The following AKAP10 variants were observed in gnomAD, a reference collection of about 807,000 sequenced individuals.
AKAP10 encodes A-kinase anchoring protein 10.
A neutral mutation model predicts 80.8 loss-of-function variants in AKAP10; 24 were observed. The ratio of observed to expected loss-of-function variants is 0.30; its 90% CI spans 0.22 to 0.42. AKAP10 has a LOEUF of 0.42. Ranked by LOEUF, AKAP10 falls within the 10% of genes least tolerant of loss-of-function variation. The pLI is 1.00. For synonymous variants in AKAP10, 291 were observed against 277.7 expected (o/e 1.05, Z -0.48); for missense variants, 661 against 794.9 (o/e 0.83, Z 2.03).
rs76631264 is a variant in AKAP10, at chr17:19,923,543, T to C, written c.1751+865A>G. Among the ~76,000 whole-genome samples the C allele has an allele frequency of 2.6e-5, 4 of 152,268 alleles. No homozygotes were observed. In the South Asian group the frequency reaches 8.3e-4, roughly 32 times the overall value. Reference sequence around the variant, plus strand: ...ATACCACTGTTACTTTCTTTTTTTTTGAGACAAGAGTCTCGCTCCACTGCG... The same window carrying C: ...ATACCACTGTTACTTTCTTTTTTTTCGAGACAAGAGTCTCGCTCCACTGCG... On this transcript the variant is annotated intron_variant, in intron 11 of 14. Coordinates refer to ENST00000225737, the MANE Select transcript of AKAP10 (RefSeq NM_007202.4).
At chr17:19,932,491 G>A (rs969304132) in intron 9 of AKAP10, among the ~76,000 whole-genome samples, 1 of 145,652 alleles carries the variant, frequency 6.9e-6, no homozygotes, top group Non-Finnish European at 1.5e-5. Flanking sequence ...ATGTAATTTT[G>A]TTGGGTTTTC....
At chr17:19,948,894 C>A (rs137909224) in intron 4 of AKAP10, among the ~76,000 whole-genome samples, 108 of 152,292 alleles carry the variant, frequency 7.1e-4, no homozygotes, top group Non-Finnish European at 7.5e-4. Flanking sequence ...CCAGAGCCGA[C>A]AGAATGCTGC....
chr17:19,923,551 G>C (rs1422134160), intron 11 of AKAP10, among the ~76,000 whole-genome samples: 1 of 151,652 alleles, frequency 6.6e-6, no homozygotes, highest in Non-Finnish European at 1.5e-5. Context: ...TTTGAGACAA[G>C]AGTCTCGCTC....
At chr17:19,930,474 A>T (rs980399673) in intron 10 of AKAP10, among the ~76,000 whole-genome samples, 1 of 152,090 alleles carries the variant, frequency 6.6e-6, no homozygotes, top group Admixed American at 6.6e-5. Context: ...TGCAAAACGA[A>T]ATCAAAAGGC....
At chr17:19,977,452 G>A (rs2043584818) in intron 1 of AKAP10, 140 bp downstream of exon 1, 2 of 554,860 alleles carry the variant, frequency 3.6e-6, no homozygotes, top group Admixed American at 4.4e-5. Flanking sequence ...GCAGAGCAAG[G>A]CACTCAGGGG....
intron 5 of AKAP10, among the ~76,000 whole-genome samples, chr17:19,946,211 ATATATATATTTTATATATATATATAT>A (rs1489095651): frequency 3.7e-5 from 2 of 53,562 alleles, no homozygotes; most frequent in East Asian, 9.2e-4. Flanking sequence ...TATTTTATAT[ATATATATATTTTATATATATATATAT>A]TATATATATA....
Position 19,968,514 on chromosome 17 carries a change from T to C in AKAP10, c.89-53A>G. ...AACTTTTGCAGTCAGAGATCCATTCTATAACACTGTAAAAATTAGACCAGC... is the reference window on the plus strand; with the variant it reads ...AACTTTTGCAGTCAGAGATCCATTCCATAACACTGTAAAAATTAGACCAGC... On this transcript the variant is annotated intron_variant, in intron 1 of 14. Transcript: ENST00000225737. 6 of 1,400,866 alleles carry C rather than the reference T, an allele frequency of 4.3e-6. No homozygotes were observed. In the South Asian group the frequency reaches 4.7e-5, roughly 11 times the overall value. 86.8% of individuals were successfully genotyped at this position (1,400,866 alleles called of 1,614,324 possible). A position where few individuals can be genotyped will look rare whatever the true frequency, so the allele number is the denominator to read the frequency against.
At chr17:19,962,281 TACATACATACATATACACAC>T (rs2043359703) in intron 3 of AKAP10, among the ~76,000 whole-genome samples, 1 of 139,092 alleles carries the variant, frequency 7.2e-6, no homozygotes, top group African/African-American at 2.7e-5. Context: ...CATACATACA[TACATACATACATATACACAC>T]ACACACACAC....
intron 1 of AKAP10, among the ~76,000 whole-genome samples, chr17:19,976,213 G>A (rs1323669389): frequency 1.3e-5 from 2 of 152,006 alleles, no homozygotes; most frequent in Middle Eastern, 3.2e-3. Flanking sequence ...CTGGCTGGCC[G>A]CGGTGGCTCA....
intron 2 of AKAP10, among the ~76,000 whole-genome samples, chr17:19,967,538 C>T (rs928886793): frequency 2.0e-5 from 3 of 152,160 alleles, no homozygotes; most frequent in African/African-American, 7.2e-5. Context: ...ATAAGAAGGG[C>T]ACTGGTTCAC....
intron 11 of AKAP10, among the ~76,000 whole-genome samples, chr17:19,923,726 T>C (rs918622725): frequency 6.6e-6 from 1 of 151,766 alleles, no homozygotes; most frequent in African/African-American, 2.4e-5. Flanking sequence ...CGGGGTTTCA[T>C]CGTGTTAGCC....
intron 12 of AKAP10, among the ~76,000 whole-genome samples, chr17:19,913,532 T>G (rs2042713950): frequency 6.6e-6 from 1 of 152,082 alleles, no homozygotes; most frequent in South Asian, 2.1e-4. Flanking sequence ...AGTGATCCGC[T>G]CGCCTTGGCC....
chr17:19,948,634 C>A (rs567325357), intron 4 of AKAP10, among the ~76,000 whole-genome samples: 1 of 152,110 alleles, frequency 6.6e-6, no homozygotes, highest in Non-Finnish European at 1.5e-5. Flanking sequence ...GACTTTCTAG[C>A]CAGACAACAG....
chr17:19,911,039 C>T (rs2042684476), intron 12 of AKAP10, among the ~76,000 whole-genome samples: 1 of 152,170 alleles, frequency 6.6e-6, no homozygotes, highest in African/African-American at 2.4e-5. Context: ...AGGCAAGGTC[C>T]TGTTTAATTC....
intron 13 of AKAP10, 33 bp downstream of exon 13, chr17:19,909,892 AC>A (rs2042670464): frequency 1.2e-6 from 2 of 1,606,954 alleles, no homozygotes; most frequent in Non-Finnish European, 1.7e-6. Context: ...GCACTTATAA[AC>A]AGAAATCTTT....
intron 8 of AKAP10, among the ~76,000 whole-genome samples, chr17:19,937,586 T>C (rs1045064389): frequency 2.0e-5 from 3 of 152,226 alleles, no homozygotes; most frequent in Admixed American, 6.5e-5. Context: ...TATGTTGTAT[T>C]GAGTAAGTTG....
At chr17:19,941,798 C>T in intron 6 of AKAP10, 28 bp downstream of exon 6, 1 of 1,511,816 alleles carries the variant, frequency 6.6e-7, no homozygotes, top group Non-Finnish European at 8.9e-7. Context: ...CCCTAGGATG[C>T]ACAATGTGAA....
chr17:19,971,825 A>AT (rs991434596), intron 1 of AKAP10, among the ~76,000 whole-genome samples: 1 of 152,122 alleles, frequency 6.6e-6, no homozygotes, highest in African/African-American at 2.4e-5. Context: ...AATTATGTGC[A>AT]TTTTTTTCAG....
chr17:19,925,782 A>G (rs1354249103), intron 10 of AKAP10, among the ~76,000 whole-genome samples: 6 of 152,214 alleles, frequency 3.9e-5, no homozygotes, highest in Admixed American at 6.6e-5. Context: ...GTTAAACAAA[A>G]AAGAAAGAGG....
Sources: gnomAD v4.1 joint callset for allele counts (sites outside exome capture counted in the v4.1 genomes callset) on GRCh38, gnomAD v4.1.1 for gene constraint, MANE v1.5 for transcripts, NCBI Gene and HGNC (gene_info 2026-07-23, HGNC 2026-07-21) for gene names.